Variants in PRSS50 observed in about 807,000 individuals in gnomAD.
PRSS50 encodes probable threonine protease PRSS50.
Under a neutral mutation model 34.2 loss-of-function variants are expected in PRSS50, and 23 were observed. The ratio of observed to expected loss-of-function variants is 0.67; its 90% CI spans 0.48 to 0.95. The LOEUF (loss-of-function observed/expected upper bound fraction) is 0.95. Among genes scored for constraint, PRSS50 ranks in the 40% least tolerant of loss-of-function variants. The pLI is 0.00. For missense variants in PRSS50, 484 were observed against 513.4 expected, an observed-to-expected ratio of 0.94 and a Z score of 0.55; for synonymous variants, 224 against 211.2, an observed-to-expected ratio of 1.06 and a Z score of -0.53.
Position 46,712,197 on chromosome 3 carries a change from C to T in PRSS50, c.*49G>A. The T allele has an allele frequency of 6.7e-7, 1 of 1,493,124 alleles. No homozygotes were observed. 92.5% of individuals were successfully genotyped at this position (1,493,124 alleles called of 1,614,324 possible). ...CTGTGACAGCTGCACCCACAGCAAC[C>T]TGGGCACGGAGGCAAGGGGGGCCCA... is the stretch of plus-strand genomic sequence containing the variant. On this transcript the variant is annotated 3_prime_UTR_variant, in exon 6 of 6. Transcript: ENST00000315170.
chr3:46,717,350 CCTT>C lies in PRSS50; in HGVS notation c.307+84_307+86del. 3 of 1,471,574 alleles carry C rather than the reference CCTT, an allele frequency of 2.0e-6. No individual in the cohort carries two copies. Among genetic ancestry groups the C allele is most frequent in the Non-Finnish European group, 2.8e-6 (3 of 1,064,692 alleles). 91.2% of individuals were successfully genotyped at this position (1,471,574 alleles called of 1,614,324 possible). On this transcript the variant is annotated intron_variant, in intron 2 of 5. Transcript: ENST00000315170. The surrounding 1 kb of genome is among the most constrained non-coding windows in gnomAD (Gnocchi z 4.5). ...CTCCTCTATCCTGCTCGCCCCCGTC[CCTT>C]CTGCTCCCCTAGCCCCAGCCAAGGT...
Position 46,717,797 on chromosome 3 carries a change from G to A in PRSS50, c.28C>T (p.Arg10Cys). The change falls in exon 1 of 6, where the codon CGC becomes TGC. Residue 10 changes from arginine to cysteine, a missense_variant. Transcript: ENST00000315170. The surrounding 1 kb of genome is among the most constrained non-coding windows in gnomAD (Gnocchi z 4.5). ...GCAGACGTCCGGGGGCGCTGCCCGCGCGCGACGGTCTGGCACCAGCGACCC... is the reference window on the plus strand; with the variant it reads ...GCAGACGTCCGGGGGCGCTGCCCGCACGCGACGGTCTGGCACCAGCGACCC... MGRWCQTVA[R>C]GQRPRTSAPS... 1 of 1,545,890 alleles carries A rather than the reference G, an allele frequency of 6.5e-7. No homozygotes were observed. Among genetic ancestry groups the A allele is most frequent in the Non-Finnish European group, 8.7e-7 (1 of 1,146,806 alleles).
chr3:46,712,239 C>T lies in PRSS50; in HGVS notation c.*7G>A, dbSNP rs1372226941. 8 of 1,600,732 alleles carry T rather than the reference C, an allele frequency of 5.0e-6. No homozygotes were observed. The African/African-American group carries it at 1.1e-4, about 21-fold the overall frequency. On this transcript the variant is annotated 3_prime_UTR_variant, in exon 6 of 6. Coordinates refer to ENST00000315170, the MANE Select transcript of PRSS50 (RefSeq NM_013270.5). Reference sequence around the variant, plus strand: ...GGGGGCCCACAAGTGAGGGAGGGCACACAGAGTCAGAGGGCAGCAAGGAGG... The same window carrying T: ...GGGGGCCCACAAGTGAGGGAGGGCATACAGAGTCAGAGGGCAGCAAGGAGG...
intron 3 of PRSS50, among the ~76,000 whole-genome samples, chr3:46,714,816 T>A (rs949205938): frequency 6.6e-6 from 1 of 152,200 alleles, no homozygotes; most frequent in African/African-American, 2.4e-5. Flanking sequence ...GGTTCCAAAC[T>A]CTACTCTCAG....
Position 46,714,478 on chromosome 3 carries a change from C to A in PRSS50, c.494G>T (p.Arg165Met). 6.2e-7 allele frequency: 1 copy of A among 1,602,926 alleles called. No homozygotes were observed. Among genetic ancestry groups the A allele is most frequent in the African/African-American group, 1.3e-5 (1 of 74,772 alleles). Reference protein sequence around the residue: ...LIWRDVIYSVRVGSPWIDQMT... With the variant: ...LIWRDVIYSVMVGSPWIDQMT... ...CTGGTCAATCCACGGACTCCCCACC[C>A]TCACTGAGTAGATAACATCACGCCT... The change falls in exon 4 of 6, where the codon AGG becomes ATG. Residue 165 changes from arginine to methionine, a missense_variant. By Grantham distance (91) the Arg-to-Met change is moderately conservative. Transcript: ENST00000315170.
Position 46,715,634 on chromosome 3 carries a change from C to T in PRSS50, c.371G>A (p.Trp124Ter). 1 of 1,611,516 alleles carries T rather than the reference C, an allele frequency of 6.2e-7. No individual in the cohort carries two copies. The highest frequency in any genetic ancestry group is 8.5e-7 in the Non-Finnish European group (1 of 1,179,270). ...LRDPEAVARR[W>*]PWMVSVRANG... ...GGCCCGCACGCTGACCATCCAGGGC[C>T]ACCGCCGAGCCACGGCTTCTGGGTC... is the stretch of plus-strand genomic sequence containing the variant. The change falls in exon 3 of 6, where the codon TGG becomes TAG. Residue 124 changes from tryptophan (W) to a stop codon, truncating the protein, a stop_gained. Transcript: ENST00000315170. LOFTEE classifies it high-confidence loss of function. The surrounding 1 kb of genome is among the most constrained non-coding windows in gnomAD (Gnocchi z 5.2).
At chr3:46,713,152 C>T in intron 4 of PRSS50, 85 bp from the exon 5 acceptor site, 1 of 1,495,358 alleles carries the variant, frequency 6.7e-7, no homozygotes, top group Middle Eastern at 2.2e-4. Context: ...CACTGTTCCC[C>T]ACGTCCCACC....
At position 46,717,860 on chromosome 3, in the gene PRSS50, C is replaced by G; in HGVS notation, c.-36G>C. The G allele has an allele frequency of 2.1e-6, 3 of 1,443,934 alleles. No individual in the cohort carries two copies. The highest frequency in any genetic ancestry group is 2.7e-6 in the Non-Finnish European group (3 of 1,097,046). 89.4% of individuals were successfully genotyped at this position (1,443,934 alleles called of 1,614,324 possible). A position where few individuals can be genotyped will look rare whatever the true frequency, so the allele number is the denominator to read the frequency against. On this transcript the variant is annotated 5_prime_UTR_variant, in exon 1 of 6. Transcript: ENST00000315170. The surrounding 1 kb of genome is among the most constrained non-coding windows in gnomAD (Gnocchi z 4.5). Reference sequence around the variant, plus strand: ...CAGCCGACTGCGTCTCTCCGGAAGGCGCTCCCAGTGCCGCCCCCACGACGG... The same window carrying G: ...CAGCCGACTGCGTCTCTCCGGAAGGGGCTCCCAGTGCCGCCCCCACGACGG...
Position 46,715,465 on chromosome 3 carries a change from G to A in PRSS50, c.470+70C>T. ...GACTGTGGGCCCAGAACAGCTGGCA[G>A]GGAGGGGATGACTGGGCCCACAGCA... On this transcript the variant is annotated intron_variant, in intron 3 of 5. Coordinates refer to ENST00000315170, the MANE Select transcript of PRSS50 (RefSeq NM_013270.5). This position sits in a 1 kb window ranked among gnomAD's most constrained non-coding sequence, Gnocchi z 5.2. 6.4e-7 allele frequency: 1 copy of A among 1,553,794 alleles called. No homozygotes were observed. The highest frequency in any genetic ancestry group is 1.2e-5 in the South Asian group (1 of 83,760).
Position 46,715,340 on chromosome 3 carries a change from G to A in PRSS50, c.470+195C>T, listed in dbSNP as rs532348252. On this transcript the variant is annotated intron_variant, in intron 3 of 5. Transcript: ENST00000315170. The surrounding 1 kb of genome is among the most constrained non-coding windows in gnomAD (Gnocchi z 5.2). ...ACTGCACGGGACTGAGAGGCCAGAC[G>A]AGGGGAGCGAACGGTGGGACACTGA... 1.5e-4 allele frequency among the ~76,000 whole-genome samples: 23 copies of A among 152,340 alleles called. No individual in the cohort carries two copies. The highest frequency in any genetic ancestry group is 1.0e-3 in the South Asian group (5 of 4,832).
chr3:46,713,638 G>T (rs1575472139), intron 4 of PRSS50, among the ~76,000 whole-genome samples: 1 of 152,234 alleles, frequency 6.6e-6, no homozygotes, highest in Non-Finnish European at 1.5e-5. Flanking sequence ...ACAGGGAAGG[G>T]CATCTCTCTT....
At chr3:46,713,412 G>A (rs1204146111) in intron 4 of PRSS50, among the ~76,000 whole-genome samples, 1 of 152,172 alleles carries the variant, frequency 6.6e-6, no homozygotes, top group African/African-American at 2.4e-5. Context: ...TTCTCCCACA[G>A]GCCTCTTCCC....
Position 46,716,228 on chromosome 3 carries a change from GCTT to G in PRSS50, c.308-534_308-532del, listed in dbSNP as rs1370743847. Among the ~76,000 whole-genome samples the G allele has an allele frequency of 5.3e-5, 8 of 152,246 alleles. No homozygotes were observed. The highest frequency in any genetic ancestry group is 1.0e-4 in the Non-Finnish European group (7 of 68,006). On this transcript the variant is annotated intron_variant, in intron 2 of 5. Coordinates refer to ENST00000315170, the MANE Select transcript of PRSS50 (RefSeq NM_013270.5). This position sits in a 1 kb window ranked among gnomAD's most constrained non-coding sequence, Gnocchi z 4.4. The stretch of plus-strand genomic sequence containing the variant: ...CTTAGTCTGCAGGGAAATGCAGACT[GCTT>G]CTTCTTCTTTCCTCTTCTTCTCTCT...
chr3:46,715,033 A>T lies in PRSS50; in HGVS notation c.470+502T>A, dbSNP rs970651793. ...ACTCCTGGCCCCAAAACATCAGAAC[A>T]CTCCCTCTTTTGTCCCCACACCAAC... On this transcript the variant is annotated intron_variant, in intron 3 of 5. Transcript: ENST00000315170. The surrounding 1 kb of genome is among the most constrained non-coding windows in gnomAD (Gnocchi z 5.2). Among the ~76,000 whole-genome samples the T allele has an allele frequency of 2.0e-5, 3 of 151,634 alleles. No individual in the cohort carries two copies. The highest frequency in any genetic ancestry group is 4.4e-5 in the Non-Finnish European group (3 of 67,920).
chr3:46,717,429 G>T lies in PRSS50; in HGVS notation c.307+8C>A. 1 of 1,613,406 alleles carries T rather than the reference G, an allele frequency of 6.2e-7. No individual in the cohort carries two copies. Among genetic ancestry groups the T allele is most frequent in the South Asian group, 1.1e-5 (1 of 91,066 alleles). On this transcript the variant is annotated splice_region_variant and intron_variant, in intron 2 of 5. Coordinates refer to ENST00000315170, the MANE Select transcript of PRSS50 (RefSeq NM_013270.5). This position sits in a 1 kb window ranked among gnomAD's most constrained non-coding sequence, Gnocchi z 4.5. ...TTGCCCCACGGAGTCTACACCCCTG[G>T]TACTCACAGCGGTATGGGTCGACTT...
At position 46,714,421 on chromosome 3, in the gene PRSS50, A is replaced by C; in HGVS notation, c.551T>G (p.Leu184Arg). Reference protein sequence around the residue: ...MTQTASDVPVLQVIMHSRYRA... With the variant: ...MTQTASDVPVRQVIMHSRYRA... ...GTACCTGCTATGCATGATGACCTGG[A>C]GCACCGGGACATCGGAGGCGGTCTG... The change falls in exon 4 of 6, where the codon CTC (leucine) becomes CGC (arginine). Residue 184 changes from leucine (L) to arginine (R), a missense_variant. Leu to Arg is a moderately radical substitution (Grantham distance 102). Coordinates refer to ENST00000315170, the MANE Select transcript of PRSS50 (RefSeq NM_013270.5). 1 of 1,612,746 alleles carries C rather than the reference A, an allele frequency of 6.2e-7. No individual in the cohort carries two copies. Among genetic ancestry groups the C allele is most frequent in the South Asian group, 1.1e-5 (1 of 90,790 alleles).
rs758464196 is a variant in PRSS50 at position 46,714,341 on chromosome 3, T to A, written c.631A>T (p.Lys211Ter). 6.2e-7 allele frequency: 1 copy of A among 1,614,038 alleles called. No homozygotes were observed. The highest frequency in any genetic ancestry group is 1.7e-5 in the Admixed American group (1 of 60,026). The stretch of plus-strand genomic sequence containing the variant: ...CTGTACTTGAGTTCCTGCTTGAGCT[T>A]GAGGAGGCCGATGTCGTTGGCCTGG... ...VGQANDIGLL[K>*]LKQELKYSNY... is the part of the protein sequence containing the mutation. The change falls in exon 4 of 6, where the codon AAG becomes TAG. Residue 211 changes from lysine (K) to a stop codon, truncating the protein, a stop_gained. Coordinates refer to ENST00000315170, the MANE Select transcript of PRSS50 (RefSeq NM_013270.5). LOFTEE classifies it high-confidence loss of function.
In PRSS50 at chr3:46,712,997, A is replaced by G. The variant is rs1700639028; in HGVS notation, c.825T>C (p.Asn275=). ...GGATTTTGGTGAAGTTGTGGTAGAA[A>G]TTGTCACACTCTTTGTTGTTCAGGA... ...VIILNNKECD[N]FYHNFTKIPT... The change falls in exon 5 of 6, where the codon AAT becomes AAC. Residue 275 remains asparagine (N), a synonymous_variant. Coordinates refer to ENST00000315170, the MANE Select transcript of PRSS50 (RefSeq NM_013270.5). 1 of 1,614,042 alleles carries G rather than the reference A, an allele frequency of 6.2e-7. No homozygotes were observed. Among genetic ancestry groups the G allele is most frequent in the Non-Finnish European group, 8.5e-7 (1 of 1,179,982 alleles).
rs1700686922 is a variant in PRSS50 at position 46,716,571 on chromosome 3, G to T, written c.307+866C>A. On this transcript the variant is annotated intron_variant, in intron 2 of 5. Coordinates refer to ENST00000315170, the MANE Select transcript of PRSS50 (RefSeq NM_013270.5). This position sits in a 1 kb window ranked among gnomAD's most constrained non-coding sequence, Gnocchi z 4.4. ...GACCCACTACCTCCAGCCTGAAAAT[G>T]CAGATTTCAATCATGATGAGATTCT... Among the ~76,000 whole-genome samples the T allele has an allele frequency of 6.6e-6, 1 of 152,176 alleles. No individual in the cohort carries two copies. Among genetic ancestry groups the T allele is most frequent in the Non-Finnish European group, 1.5e-5 (1 of 68,040 alleles).
Sources: allele counts gnomAD v4.1 joint callset (sites outside exome capture counted in the v4.1 genomes callset), GRCh38; gene constraint gnomAD v4.1.1; non-coding constraint Gnocchi (gnomAD v3.1); transcripts MANE v1.5; gene names NCBI Gene and HGNC (gene_info 2026-07-23, HGNC 2026-07-21).